SLC52A2: variants seen among roughly 807,000 people sequenced by gnomAD.
SLC52A2 encodes solute carrier family 52, riboflavin transporter, member 2.
A neutral mutation model predicts 24.8 loss-of-function variants in SLC52A2; 16 were observed. The observed-to-expected ratio is 0.64, with a 90% CI of 0.44 to 0.98. The LOEUF is 0.98. Ranked by LOEUF, SLC52A2 falls within the 50% of genes least tolerant of loss-of-function variation. SLC52A2 has a pLI of 0.00. For missense variants in SLC52A2, 612 were observed against 575.9 expected, an observed-to-expected ratio of 1.06 and a Z score of -0.64; for synonymous variants, 335 against 276.3, an observed-to-expected ratio of 1.21 and a Z score of -2.11.
chr8:144,360,372 C>T lies in SLC52A2; in HGVS notation c.880C>T (p.Leu294=). The change falls in exon 3 of 5, where the codon CTG becomes TTG. Residue 294 remains leucine, a synonymous_variant. Transcript: ENST00000643944. ...AATNALTNGV[L]PAVQSFSCLP... is the part of the protein sequence containing the mutation. Reference sequence around the variant, plus strand: ...CACCAACGCGCTGACCAATGGCGTGCTGCCTGCCGTGCAGAGCTTTTCCTG... The same window carrying T: ...CACCAACGCGCTGACCAATGGCGTGTTGCCTGCCGTGCAGAGCTTTTCCTG... 2 of 1,608,272 alleles carry T rather than the reference C, an allele frequency of 1.2e-6. No individual in the cohort carries two copies. Among genetic ancestry groups the T allele is most frequent in the South Asian group, 2.2e-5 (2 of 91,088 alleles).
In SLC52A2 at chr8:144,360,039, C is replaced by T. The variant is rs782774294; in HGVS notation, c.547C>T (p.Pro183Ser). 3 of 1,612,940 alleles carry T rather than the reference C, an allele frequency of 1.9e-6. No individual in the cohort carries two copies. The highest frequency in any genetic ancestry group is 2.2e-5 in the East Asian group (1 of 44,880). Residue 183 changes from proline (P) to serine (S), a missense_variant, in exon 3 of 5, where the codon CCC (proline) becomes TCC (serine). Transcript: ENST00000643944. ...PPAPINGTPGPPLDFLERFPA... is the reference protein window; with the variant it reads ...PPAPINGTPGSPLDFLERFPA... Reference sequence around the variant, plus strand: ...AGCCCCCATCAACGGCACCCCTGGCCCCCCGCTCGACTTCCTTGAGCGTTT... The same window carrying T: ...AGCCCCCATCAACGGCACCCCTGGCTCCCCGCTCGACTTCCTTGAGCGTTT...
rs1554853785 is a variant in SLC52A2 at position 144,359,437 on chromosome 8, A to C, written c.130+14A>C. On this transcript the variant is annotated intron_variant, in intron 2 of 4. Coordinates refer to ENST00000643944, the MANE Select transcript of SLC52A2 (RefSeq NM_001363118.2). ...AGCTTCCAGAGGGTGAGTGGGAGGG[A>C]GGTGCAGGTGTGCCCAAGACTCCTG... 1 of 1,601,454 alleles carries C rather than the reference A, an allele frequency of 6.2e-7. No homozygotes were observed. The highest frequency in any genetic ancestry group is 1.7e-5 in the Admixed American group (1 of 58,698).
chr8:144,359,139 C>G (rs1032527757), intron 1 of SLC52A2, 45 bp from the exon 2 acceptor site: 12 of 1,220,094 alleles, frequency 9.8e-6, no homozygotes, highest in Non-Finnish European at 1.3e-5. Context: ...TCACCCTGTT[C>G]TGACTCCGGC....
At position 144,360,316 on chromosome 8, in the gene SLC52A2, G is replaced by A. The variant is rs144912258; in HGVS notation, c.824G>A (p.Arg275His). ...AAGGCCTATCAGCTTCTATCAGCCC[G>A]CAGTGCCTGCCTGCTGGGCCTGTTG... ...DPKAYQLLSA[R>H]SACLLGLLAA... Residue 275 changes from arginine to histidine, a missense_variant, in exon 3 of 5, where the codon CGC becomes CAC. Transcript: ENST00000643944. 193 of 1,609,944 alleles carry A rather than the reference G, an allele frequency of 1.2e-4. 1 individual carries two copies. In the African/African-American group the frequency reaches 1.9e-3, roughly 16 times the overall value.
Position 144,360,000 on chromosome 8 carries a change from C to G in SLC52A2, c.508C>G (p.Leu170Val). Residue 170 changes from leucine (L) to valine (V), a missense_variant, in exon 3 of 5, where the codon CTC (leucine) becomes GTC (valine). By Grantham distance (32) the Leu-to-Val change is conservative (BLOSUM62 1). Transcript: ENST00000643944. ...GGCCCTAGTGCAGGGTGTGGGCCGC[C>G]TCGAGTGCCCGCCAGCCCCCATCAA... ...VLALVQGVGR[L>V]ECPPAPINGT... 1 of 1,612,914 alleles carries G rather than the reference C, an allele frequency of 6.2e-7. No homozygotes were observed. Among genetic ancestry groups the G allele is most frequent in the Non-Finnish European group, 8.5e-7 (1 of 1,180,004 alleles).
chr8:144,359,661 C>T lies in SLC52A2; in HGVS notation c.169C>T (p.Leu57=), dbSNP rs782549718. 12 of 1,613,782 alleles carry T rather than the reference C, an allele frequency of 7.4e-6. No homozygotes were observed. The highest frequency in any genetic ancestry group is 8.5e-6 in the Non-Finnish European group (10 of 1,179,982). The change falls in exon 3 of 5, where the codon CTG becomes TTG. Residue 57 remains leucine (L), a synonymous_variant. Coordinates refer to ENST00000643944, the MANE Select transcript of SLC52A2 (RefSeq NM_001363118.2). ...LPSYVSVLVA[L]GNLGLLVVTL... ...CTCTTACGTCTCTGTGCTTGTGGCT[C>T]TGGGGAACCTGGGTCTGCTGGTGGT...
At chr8:144,360,569 C>T in intron 3 of SLC52A2, 21 bp from the exon 4 acceptor site, 1 of 1,589,568 alleles carries the variant, frequency 6.3e-7, no homozygotes, top group Non-Finnish European at 8.5e-7. Context: ...TCAGCCCTGA[C>T]ATTCTGCTCG....
intron 4 of SLC52A2, 36 bp downstream of exon 4, chr8:144,360,749 CGT>C (rs782408642): frequency 1.2e-6 from 2 of 1,603,408 alleles, no homozygotes; most frequent in African/African-American, 2.7e-5. Flanking sequence ...GGTGGGGGGG[CGT>C]TGCCCTGGAG....
In SLC52A2 at chr8:144,360,580, C is replaced by T. The variant is rs782462663; in HGVS notation, c.1002-10C>T. On this transcript the variant is annotated splice_polypyrimidine_tract_variant and intron_variant, in intron 3 of 4. Transcript: ENST00000643944. ...GCAGTCAGCCCTGACATTCTGCTCGCTCACTGCAGGTCCTTGGCAGGGCTG... is the reference window on the plus strand; with the variant it reads ...GCAGTCAGCCCTGACATTCTGCTCGTTCACTGCAGGTCCTTGGCAGGGCTG... 3 of 1,594,794 alleles carry T rather than the reference C, an allele frequency of 1.9e-6. No individual in the cohort carries two copies. The South Asian group carries it at 3.3e-5, about 18-fold the overall frequency.
In SLC52A2 at chr8:144,358,962, C is replaced by G. The variant is rs1402662767; in HGVS notation, c.-214C>G. 3.4e-6 allele frequency: 1 copy of G among 298,234 alleles called. No individual in the cohort carries two copies. Among genetic ancestry groups the G allele is most frequent in the African/African-American group, 2.2e-5 (1 of 45,744 alleles). 18.5% of individuals were successfully genotyped at this position (298,234 alleles called of 1,614,324 possible). A position where few individuals can be genotyped will look rare whatever the true frequency, so the allele number is the denominator to read the frequency against. On this transcript the variant is annotated 5_prime_UTR_variant, in exon 1 of 5. Coordinates refer to ENST00000643944, the MANE Select transcript of SLC52A2 (RefSeq NM_001363118.2). Reference sequence around the variant, plus strand: ...GGTGGCGTTGACTCCAGCCCCGCCTCTCCCTGGAGAGGAGGGCTCCACTCG... The same window carrying G: ...GGTGGCGTTGACTCCAGCCCCGCCTGTCCCTGGAGAGGAGGGCTCCACTCG...
At position 144,359,947 on chromosome 8, in the gene SLC52A2, G is replaced by C. The variant is rs1554853976; in HGVS notation, c.455G>C (p.Gly152Ala). 1 of 1,613,404 alleles carries C rather than the reference G, an allele frequency of 6.2e-7. No individual in the cohort carries two copies. Among genetic ancestry groups the C allele is most frequent in the Non-Finnish European group, 8.5e-7 (1 of 1,180,010 alleles). The change falls in exon 3 of 5, where the codon GGC becomes GCC. Residue 152 changes from glycine (G) to alanine (A), a missense_variant. Physicochemically the swap from Gly to Ala is moderately conservative, Grantham distance 60. Coordinates refer to ENST00000643944, the MANE Select transcript of SLC52A2 (RefSeq NM_001363118.2). ...TTACGGTCATTCTTCCTGGGTCAAG[G>C]CCTGAGTGCCCTGCTGCCCTGCGTG... ...RFLRSFFLGQ[G>A]LSALLPCVLA...
chr8:144,358,736 G>C lies in SLC52A2; in HGVS notation c.-440G>C. On this transcript the variant is annotated 5_prime_UTR_variant, in exon 1 of 5. Coordinates refer to ENST00000643944, the MANE Select transcript of SLC52A2 (RefSeq NM_001363118.2). ...TGGAGCGGGAGCGCACTGGGCGCGG[G>C]ACCGGGAGGCGCAGGGACCGGACGG... 1 of 327,342 alleles carries C rather than the reference G, an allele frequency of 3.1e-6. No homozygotes were observed. Among genetic ancestry groups the C allele is most frequent in the Non-Finnish European group, 5.5e-6 (1 of 181,522 alleles). 20.3% of individuals were successfully genotyped at this position (327,342 alleles called of 1,614,324 possible).
At position 144,360,841 on chromosome 8, in the gene SLC52A2, C is replaced by T. The variant is rs370533575; in HGVS notation, c.1164C>T (p.Tyr388=). Residue 388 remains tyrosine (Y), a synonymous_variant, in exon 5 of 5, where the codon TAC becomes TAT. Transcript: ENST00000643944. ...SWVLCLGVFS[Y]VKVAASSLLH... ...TGCTGTGTCTTGGCGTGTTCTCCTACGTGAAGGTGGCAGCCAGCTCCCTGC... is the reference window on the plus strand; with the variant it reads ...TGCTGTGTCTTGGCGTGTTCTCCTATGTGAAGGTGGCAGCCAGCTCCCTGC... The T allele has an allele frequency of 4.2e-5, 68 of 1,613,176 alleles. No individual in the cohort carries two copies. The highest frequency in any genetic ancestry group is 5.3e-5 in the Non-Finnish European group (63 of 1,179,880).
In SLC52A2 at chr8:144,361,004, T is replaced by C; in HGVS notation, c.1327T>C (p.Cys443Arg). The change falls in exon 5 of 5, where the codon TGT becomes CGT. Residue 443 changes from cysteine (C) to arginine (R), a missense_variant. Cys to Arg is a radical substitution (Grantham distance 180, BLOSUM62 -3). Transcript: ENST00000643944. ...CAGCAGAAAGGACTGTGCAGACCCCTGTGACTCCTGAGCCTGGGCAGGTGG... is the reference window on the plus strand; with the variant it reads ...CAGCAGAAAGGACTGTGCAGACCCCCGTGACTCCTGAGCCTGGGCAGGTGG... ...FHSRKDCADP[C>R]DS 6.2e-7 allele frequency: 1 copy of C among 1,612,838 alleles called. No homozygotes were observed. Among genetic ancestry groups the C allele is most frequent in the Non-Finnish European group, 8.5e-7 (1 of 1,179,588 alleles).
rs1411531625 is a variant in SLC52A2, at chr8:144,360,929, C to T, written c.1252C>T (p.Leu418Phe). Residue 418 changes from leucine to phenylalanine, a missense_variant, in exon 5 of 5, where the codon CTC (leucine) becomes TTC (phenylalanine). Leu to Phe is a conservative substitution (Grantham distance 22). Coordinates refer to ENST00000643944, the MANE Select transcript of SLC52A2 (RefSeq NM_001363118.2). ...CGTGGCCATCCAGGTGGGCTCTCTG[C>T]TCGGCGCTGTTGCTATGTTCCCCCC... ...AGVAIQVGSL[L>F]GAVAMFPPTS... 6.2e-7 allele frequency: 1 copy of T among 1,613,276 alleles called. No individual in the cohort carries two copies. The highest frequency in any genetic ancestry group is 8.5e-7 in the Non-Finnish European group (1 of 1,179,998).
At chr8:144,359,524 G>C (rs1161334455) in intron 2 of SLC52A2, 99 bp from the exon 3 acceptor site, 1 of 1,610,808 alleles carries the variant, frequency 6.2e-7, no homozygotes, top group Non-Finnish European at 8.5e-7. Context: ...TCCAGAGGGT[G>C]AGTGGGAGGA....
In SLC52A2 at chr8:144,360,682, T is replaced by C. The variant is rs1281187305; in HGVS notation, c.1094T>C (p.Leu365Pro). 6 of 1,597,532 alleles carry C rather than the reference T, an allele frequency of 3.8e-6. No homozygotes were observed. Among genetic ancestry groups the C allele is most frequent in the Non-Finnish European group, 4.2e-6 (5 of 1,176,674 alleles). The change falls in exon 4 of 5, where the codon CTG (leucine) becomes CCG (proline). Residue 365 changes from leucine (L) to proline (P), a missense_variant. Leu to Pro is a moderately conservative substitution (Grantham distance 98). Coordinates refer to ENST00000643944, the MANE Select transcript of SLC52A2 (RefSeq NM_001363118.2). ...GCAGTCCTGAGCCCCTGCCCGCCCC[T>C]GGTGGGCACCTCGGCGGGGGTGGTC... Reference protein sequence around the residue: ...ALAVLSPCPPLVGTSAGVVLV... With the variant: ...ALAVLSPCPPPVGTSAGVVLV...
rs202232509 is a variant in SLC52A2 at position 144,360,043 on chromosome 8, C to A, written c.551C>A (p.Pro184Gln). ...PAPINGTPGP[P>Q]LDFLERFPAS... ...CCCATCAACGGCACCCCTGGCCCCC[C>A]GCTCGACTTCCTTGAGCGTTTTCCC... Residue 184 changes from proline to glutamine, a missense_variant, in exon 3 of 5, where the codon CCG becomes CAG. Pro to Gln is a moderately conservative substitution (Grantham distance 76). Coordinates refer to ENST00000643944, the MANE Select transcript of SLC52A2 (RefSeq NM_001363118.2). 5 of 1,612,952 alleles carry A rather than the reference C, an allele frequency of 3.1e-6. No homozygotes were observed. The highest frequency in any genetic ancestry group is 4.2e-6 in the Non-Finnish European group (5 of 1,180,024).
At position 144,360,315 on chromosome 8, in the gene SLC52A2, C is replaced by T. The variant is rs782627908; in HGVS notation, c.823C>T (p.Arg275Cys). The T allele has an allele frequency of 2.0e-5, 33 of 1,610,230 alleles. 1 individual carries two copies. In the South Asian group the frequency reaches 3.1e-4, roughly 15 times the overall value. ...TAAGGCCTATCAGCTTCTATCAGCC[C>T]GCAGTGCCTGCCTGCTGGGCCTGTT... Reference protein sequence around the residue: ...DPKAYQLLSARSACLLGLLAA... With the variant: ...DPKAYQLLSACSACLLGLLAA... The change falls in exon 3 of 5, where the codon CGC (arginine) becomes TGC (cysteine). Residue 275 changes from arginine to cysteine, a missense_variant. Transcript: ENST00000643944.
Sources: gnomAD v4.1 joint callset for allele counts on GRCh38, gnomAD v4.1.1 for gene constraint, MANE v1.5 for transcripts, NCBI Gene and HGNC (gene_info 2026-07-23, HGNC 2026-07-21) for gene names.